Variants in VMP1 observed in about 807,000 individuals in gnomAD.
VMP1 encodes ectopic P-granules autophagy protein 3 homolog.
Under a neutral mutation model 56.0 loss-of-function variants are expected in VMP1, and 11 were observed. That is an observed-to-expected ratio of 0.20 (90% confidence interval 0.12 to 0.32). The LOEUF (loss-of-function observed/expected upper bound fraction) is 0.32, where lower values mean the gene tolerates loss of function less well. VMP1 is among the 10% of genes least tolerant of loss of function. VMP1 has a pLI of 1.00. For missense variants in VMP1, 296 were observed against 490.3 expected (o/e 0.60, Z 3.74); for synonymous variants, 149 against 165.0 (o/e 0.90, Z 0.74).
intron 9 of VMP1, among the ~76,000 whole-genome samples, chr17:59,817,038 G>A (rs1298194253): frequency 6.6e-6 from 1 of 151,344 alleles, no homozygotes; most frequent in Non-Finnish European, 1.5e-5. Flanking sequence ...GGAGGCTGAG[G>A]CAGATGGATC....
intron 7 of VMP1, among the ~76,000 whole-genome samples, chr17:59,787,770 G>A (rs1162035357): frequency 1.3e-5 from 2 of 152,098 alleles, no homozygotes; most frequent in Non-Finnish European, 2.9e-5. Flanking sequence ...GCAGTGAGCC[G>A]AGATCGTGCC....
rs555877935 is a variant in VMP1, at chr17:59,841,167, T to G, written c.*1256T>G. The G allele has an allele frequency of 5.4e-6, 2 of 369,732 alleles. No individual in the cohort carries two copies. The highest frequency in any genetic ancestry group is 2.2e-5 in the South Asian group (1 of 44,878). 22.9% of individuals were successfully genotyped at this position (369,732 alleles called of 1,614,324 possible). A position where few individuals can be genotyped will look rare whatever the true frequency, so the allele number is the denominator to read the frequency against. On this transcript the variant is annotated 3_prime_UTR_variant, in exon 12 of 12. Coordinates refer to ENST00000262291, the MANE Select transcript of VMP1 (RefSeq NM_030938.5). ...TCTTAACAGGCCAGAAATGCCTGGG[T>G]TTTTTTGGTTTGTTTTTGTTTTTGT...
At chr17:59,748,210 A>C (rs1009696213) in intron 5 of VMP1, among the ~76,000 whole-genome samples, 4 of 130,308 alleles carry the variant, frequency 3.1e-5, no homozygotes, top group Non-Finnish European at 7.2e-5. Flanking sequence ...AAAAAAAAAA[A>C]AAAAAAACCT....
At chr17:59,752,011 C>A (rs1287714600) in intron 5 of VMP1, among the ~76,000 whole-genome samples, 1 of 151,628 alleles carries the variant, frequency 6.6e-6, no homozygotes, top group Non-Finnish European at 1.5e-5. Context: ...CGGGGTCTCT[C>A]CATGTTGCCC....
intron 1 of VMP1, among the ~76,000 whole-genome samples, chr17:59,726,742 T>C (rs2034621500): frequency 6.6e-6 from 1 of 152,252 alleles, no homozygotes; most frequent in African/African-American, 2.4e-5. Context: ...ATTTGTGAAA[T>C]AGATTTCCAT....
intron 5 of VMP1, among the ~76,000 whole-genome samples, chr17:59,756,620 C>T (rs2035851230): frequency 6.6e-6 from 1 of 152,150 alleles, no homozygotes; most frequent in African/African-American, 2.4e-5. Flanking sequence ...CTGAGGGAGC[C>T]GTCTAGAGTG....
intron 5 of VMP1, among the ~76,000 whole-genome samples, chr17:59,756,419 G>T (rs571886440): frequency 6.6e-6 from 1 of 152,258 alleles, no homozygotes; most frequent in East Asian, 1.9e-4. Flanking sequence ...GCAAATAAAT[G>T]TTTTCCCAGT....
chr17:59,725,972 A>G (rs761674003), intron 1 of VMP1, among the ~76,000 whole-genome samples: 11 of 152,240 alleles, frequency 7.2e-5, no homozygotes, highest in Non-Finnish European at 1.0e-4. Flanking sequence ...GGGTAAAACA[A>G]TGACACTATG....
At chr17:59,717,985 G>A (rs1207112659) in intron 1 of VMP1, among the ~76,000 whole-genome samples, 1 of 151,844 alleles carries the variant, frequency 6.6e-6, no homozygotes, top group African/African-American at 2.4e-5. Flanking sequence ...TTAGAAACCT[G>A]TGATGAGTTG....
intron 5 of VMP1, among the ~76,000 whole-genome samples, chr17:59,755,957 G>A (rs1045466083): frequency 6.6e-6 from 1 of 151,942 alleles, no homozygotes; most frequent in Non-Finnish European, 1.5e-5. Flanking sequence ...AGCTAGTCTC[G>A]AACTCCTGGG....
At position 59,808,825 on chromosome 17, in the gene VMP1, T is replaced by C. The variant is rs761811984; in HGVS notation, c.744T>C (p.Val248=). ...TTGCCTCCCGGGCCAAACTGGCAGT[T>C]CAAAAACTAGTACAGAAAGTTGGAT... ...QDFASRAKLA[V]QKLVQKVGFF... is the part of the protein sequence containing the mutation. Residue 248 remains valine (V), a synonymous_variant, in exon 8 of 12, where the codon GTT becomes GTC. Transcript: ENST00000262291. 2 of 1,614,100 alleles carry C rather than the reference T, an allele frequency of 1.2e-6. No individual in the cohort carries two copies. Among genetic ancestry groups the C allele is most frequent in the Non-Finnish European group, 1.7e-6 (2 of 1,180,006 alleles).
chr17:59,711,332 T>C (rs2033925508), intron 1 of VMP1, among the ~76,000 whole-genome samples: 1 of 152,164 alleles, frequency 6.6e-6, no homozygotes, highest in Non-Finnish European at 1.5e-5. Flanking sequence ...CTTTAGTCTT[T>C]CTCGGAGATG....
chr17:59,739,661 T>C (rs2035146568), intron 5 of VMP1, among the ~76,000 whole-genome samples: 2 of 143,650 alleles, frequency 1.4e-5, no homozygotes, highest in African/African-American at 5.3e-5. Context: ...GAGGCGGAGC[T>C]TCCAGTGAGT....
chr17:59,712,392 AC>A (rs2033967131), intron 1 of VMP1, among the ~76,000 whole-genome samples: 1 of 152,212 alleles, frequency 6.6e-6, no homozygotes, highest in Non-Finnish European at 1.5e-5. Flanking sequence ...TTAACAGACT[AC>A]ATTATCTGTG....
At chr17:59,772,950 CTTTTTTTTTTTTTTT>C (rs1179269248) in intron 6 of VMP1, among the ~76,000 whole-genome samples, 2 of 55,676 alleles carry the variant, frequency 3.6e-5, no homozygotes, top group Admixed American at 3.1e-4. Context: ...CTGGTGAATT[CTTTTTTTTTTTTTTT>C]TTTTTTTTTT....
chr17:59,749,080 G>A (rs2035543467), intron 5 of VMP1, among the ~76,000 whole-genome samples: 1 of 150,036 alleles, frequency 6.7e-6, no homozygotes, highest in Non-Finnish European at 1.5e-5. Flanking sequence ...CTCCCCAGTA[G>A]CTGGAATTAC....
intron 2 of VMP1, among the ~76,000 whole-genome samples, chr17:59,732,308 C>A (rs746505028): frequency 6.6e-6 from 1 of 152,112 alleles, no homozygotes; most frequent in African/African-American, 2.4e-5. Context: ...TGCAATGGTG[C>A]GATCTTGGCT....
intron 10 of VMP1, among the ~76,000 whole-genome samples, chr17:59,820,752 G>A (rs958090808): frequency 6.6e-6 from 1 of 152,268 alleles, no homozygotes; most frequent in South Asian, 2.1e-4. Context: ...TGGTCCTGGC[G>A]TCTTGACTGA....
chr17:59,788,613 G>C (rs2144107024), intron 7 of VMP1, among the ~76,000 whole-genome samples: 1 of 152,128 alleles, frequency 6.6e-6, no homozygotes, highest in Non-Finnish European at 1.5e-5. Flanking sequence ...AGACCAGCCT[G>C]GCCAATAATG....
Sources: gnomAD v4.1 joint callset for allele counts (sites outside exome capture counted in the v4.1 genomes callset) on GRCh38, gnomAD v4.1.1 for gene constraint, MANE v1.5 for transcripts, NCBI Gene and HGNC (gene_info 2026-07-23, HGNC 2026-07-21) for gene names.